NLRP11: variants seen among roughly 807,000 people sequenced by gnomAD.
The protein encoded by NLRP11 is NACHT, LRR and PYD domains-containing protein 11.
NLRP11 carries 53 observed loss-of-function variants against 79.3 expected under a neutral mutation model. That is an observed-to-expected ratio of 0.67 (90% CI 0.54 to 0.84). The LOEUF is 0.84. Among genes scored for constraint, NLRP11 ranks in the 40% least tolerant of loss-of-function variants. NLRP11 has a pLI of 0.00. For missense variants in NLRP11, 1,264 were observed against 1,255.0 expected (o/e 1.01, Z -0.11); for synonymous variants, 518 against 462.6 (o/e 1.12, Z -1.54).
Position 55,809,699 on chromosome 19 carries a change from T to C in NLRP11, c.911A>G (p.Lys304Arg), listed in dbSNP as rs1980398036. Residue 304 changes from lysine to arginine, a missense_variant, in exon 3 of 10, where the codon AAG (lysine) becomes AGG (arginine). Transcript: ENST00000589093. This position sits in a 1 kb window ranked among gnomAD's most constrained non-coding sequence, Gnocchi z 4.5. ...GAAAGAGTTAAAATATATCTCCCTC[T>C]TCCCATTCGACAGCTGCAAGGTCGT... 1 of 1,614,188 alleles carries C rather than the reference T, an allele frequency of 6.2e-7. No individual in the cohort carries two copies. Among genetic ancestry groups the C allele is most frequent in the South Asian group, 1.1e-5 (1 of 91,078 alleles).
intron 6 of NLRP11, 108 bp from the exon 7 acceptor site, chr19:55,792,579 T>A: frequency 1.3e-6 from 1 of 751,868 alleles, no homozygotes; most frequent in Non-Finnish European, 2.2e-6. Flanking sequence ...CTACTGCCAT[T>A]GCCCCAAATC....
chr19:55,823,021 G>T (rs538844572), intron 1 of NLRP11, among the ~76,000 whole-genome samples: 1 of 150,722 alleles, frequency 6.6e-6, no homozygotes, highest in Non-Finnish European at 1.5e-5. Context: ...CTGTCTGACA[G>T]CTTTGAAGAG....
intron 2 of NLRP11, among the ~76,000 whole-genome samples, chr19:55,817,256 A>G (rs114011596): frequency 0.011 from 1,684 of 152,242 alleles, 29 homozygotes; most frequent in African/African-American, 0.039. Flanking sequence ...CACTATGAAA[A>G]CCAGTGTGAC....
intron 6 of NLRP11, among the ~76,000 whole-genome samples, chr19:55,793,897 T>G (rs934149241): frequency 6.6e-6 from 1 of 152,226 alleles, no homozygotes; most frequent in African/African-American, 2.4e-5. Flanking sequence ...GTTGTCCTCG[T>G]AGAAACCAGC....
intron 1 of NLRP11, among the ~76,000 whole-genome samples, chr19:55,819,207 T>C (rs1480999295): frequency 6.9e-6 from 1 of 145,566 alleles, no homozygotes; most frequent in Non-Finnish European, 1.5e-5. Context: ...TCTTCAATTC[T>C]ACCCCACCTC....
rs138159992 is a variant in NLRP11 at position 55,788,925 on chromosome 19, G to C, written c.2737C>G (p.Leu913Val). ...CTTTCTAGTGTTTTGTTGGTGGTAAGAACAGAGGCAAGAGATCGACAGCAG... is the reference window on the plus strand; with the variant it reads ...CTTTCTAGTGTTTTGTTGGTGGTAACAACAGAGGCAAGAGATCGACAGCAG... The change falls in exon 9 of 10, where the codon CTT (leucine) becomes GTT (valine). Residue 913 changes from leucine to valine, a missense_variant. Coordinates refer to ENST00000589093, the Ensembl canonical transcript of NLRP11. 2.3e-5 allele frequency: 37 copies of C among 1,613,812 alleles called. No individual in the cohort carries two copies. The African/African-American group carries it at 4.1e-4, about 18-fold the overall frequency.
chr19:55,798,417 C>G (rs769941709), intron 5 of NLRP11: 768 of 714,008 alleles, frequency 1.1e-3, no homozygotes, highest in Non-Finnish European at 1.3e-3. Flanking sequence ...GGACAGAAAA[C>G]CAAATACCAC....
rs114502057 is a variant in NLRP11 at position 55,801,755 on chromosome 19, T to C, written c.2004-16A>G. 1.1e-4 allele frequency: 180 copies of C among 1,612,696 alleles called. 3 individuals are homozygous for C. In the South Asian group the frequency reaches 1.9e-3, roughly 17 times the overall value. On this transcript the variant is annotated splice_polypyrimidine_tract_variant and intron_variant, in intron 4 of 9. Coordinates refer to ENST00000589093, the Ensembl canonical transcript of NLRP11. ...ATAGGACAACCTGTGGAAGACATAATAGCAGGAAAGCACTAGTGAAGGTCT... is the reference window on the plus strand; with the variant it reads ...ATAGGACAACCTGTGGAAGACATAACAGCAGGAAAGCACTAGTGAAGGTCT...
At chr19:55,821,201 T>TCACACA (rs1425868256) in intron 1 of NLRP11, among the ~76,000 whole-genome samples, 21 of 89,408 alleles carry the variant, frequency 2.3e-4, no homozygotes, top group Admixed American at 6.1e-4. Context: ...TCTCTCTCTC[T>TCACACA]CTCTCACACA....
intron 1 of NLRP11, among the ~76,000 whole-genome samples, chr19:55,823,012 TG>T (rs1221881765): frequency 6.6e-6 from 1 of 151,076 alleles, no homozygotes; most frequent in East Asian, 2.0e-4. Flanking sequence ...TAAATGTCCC[TG>T]TCTGACAGCT....
chr19:55,823,674 CGAAATGAAT>C (rs1982036691), intron 1 of NLRP11, among the ~76,000 whole-genome samples: 1 of 139,094 alleles, frequency 7.2e-6, no homozygotes, highest in African/African-American at 2.8e-5. Context: ...CAATGGAAGA[CGAAATGAAT>C]GAAATGAAGC....
chr19:55,790,810 A>C (rs7249986), intron 7 of NLRP11, among the ~76,000 whole-genome samples: 13,192 of 152,222 alleles, frequency 0.087, 1,302 homozygotes, highest in African/African-American at 0.24. Context: ...ATATATAGAG[A>C]GTTAATGATG....
intron 1 of NLRP11, among the ~76,000 whole-genome samples, chr19:55,830,652 T>C (rs1488165125): frequency 6.6e-6 from 1 of 151,434 alleles, no homozygotes; most frequent in Non-Finnish European, 1.5e-5. Flanking sequence ...TCTTATTACT[T>C]TTCCCAAAGG....
At chr19:55,800,763 G>A (rs916448623) in intron 5 of NLRP11, among the ~76,000 whole-genome samples, 5 of 152,214 alleles carry the variant, frequency 3.3e-5, no homozygotes, top group African/African-American at 1.2e-4. Flanking sequence ...GAGCGGCGAT[G>A]TTCTCTGTGA....
At chr19:55,827,137 C>T (rs1052693366) in intron 1 of NLRP11, among the ~76,000 whole-genome samples, 1 of 137,406 alleles carries the variant, frequency 7.3e-6, no homozygotes, top group Non-Finnish European at 1.5e-5. Context: ...TGGTATTTGA[C>T]AAACCTGAGA....
chr19:55,785,474 G>A (rs1259809551), exon 10 of NLRP11: 4 of 678,412 alleles, frequency 5.9e-6, no homozygotes, highest in South Asian at 3.9e-5. Context: ...GGAATTTGAA[G>A]TGGTTGACTG....
intron 1 of NLRP11, among the ~76,000 whole-genome samples, chr19:55,819,587 T>G (rs1981485301): frequency 1.3e-5 from 2 of 152,184 alleles, no homozygotes; most frequent in Non-Finnish European, 2.9e-5. Context: ...TGAGTGGATG[T>G]GGATTGGCTA....
chr19:55,805,283 C>T (rs750127754), intron 4 of NLRP11, among the ~76,000 whole-genome samples: 16 of 151,834 alleles, frequency 1.1e-4, no homozygotes, highest in East Asian at 7.7e-4. Context: ...AGGAAAGAGA[C>T]GGGAAGGGAA....
At chr19:55,805,061 C>G (rs1979856165) in intron 4 of NLRP11, among the ~76,000 whole-genome samples, 1 of 151,820 alleles carries the variant, frequency 6.6e-6, no homozygotes, top group Non-Finnish European at 1.5e-5. Flanking sequence ...GACGCTGACT[C>G]AAAAAATAAT....
Sources: allele counts gnomAD v4.1 joint callset (sites outside exome capture counted in the v4.1 genomes callset), GRCh38; gene constraint gnomAD v4.1.1; non-coding constraint Gnocchi (gnomAD v3.1); transcripts MANE v1.5; gene names NCBI Gene and HGNC (gene_info 2026-07-23, HGNC 2026-07-21).